SNTG1: variants seen among roughly 807,000 people sequenced by gnomAD.
SNTG1 encodes gamma-1-syntrophin.
Under a neutral mutation model 74.7 loss-of-function variants are expected in SNTG1, and 39 were observed. The observed-to-expected ratio is 0.52, with a 90% CI of 0.40 to 0.68. The LOEUF is 0.68. Ranked by LOEUF, SNTG1 falls within the 30% of genes least tolerant of loss-of-function variation. SNTG1 has a pLI of 0.00. For synonymous variants in SNTG1, 254 were observed against 217.1 expected, an observed-to-expected ratio of 1.17 and a Z score of -1.49; for missense variants, 685 against 609.5, an observed-to-expected ratio of 1.12 and a Z score of -1.30.
intron 13 of SNTG1, among the ~76,000 whole-genome samples, chr8:50,616,001 G>A (rs2094883192): frequency 1.3e-5 from 2 of 152,208 alleles, no homozygotes; most frequent in African/African-American, 4.8e-5. Flanking sequence ...CAGAATTCCT[G>A]TATTAAGGCT....
intron 11 of SNTG1, among the ~76,000 whole-genome samples, chr8:50,538,231 A>G (rs545001557): frequency 8.2e-4 from 125 of 152,216 alleles, no homozygotes; most frequent in African/African-American, 2.3e-3. Flanking sequence ...TTAACTTCCT[A>G]TATATACATC....
chr8:50,645,627 C>A (rs1012856530), intron 13 of SNTG1, among the ~76,000 whole-genome samples: 5 of 152,036 alleles, frequency 3.3e-5, no homozygotes, highest in African/African-American at 7.2e-5. Context: ...TTATTCCTGG[C>A]AAAATAAAAT....
chr8:50,439,927 CT>C (rs890189373), intron 5 of SNTG1, among the ~76,000 whole-genome samples: 3 of 151,132 alleles, frequency 2.0e-5, no homozygotes, highest in Non-Finnish European at 4.4e-5. Flanking sequence ...TGTTCTTTTC[CT>C]TTTTTTGTTG....
intron 15 of SNTG1, among the ~76,000 whole-genome samples, chr8:50,703,623 TA>T (rs1355527921): frequency 6.6e-6 from 1 of 152,116 alleles, no homozygotes; most frequent in Non-Finnish European, 1.5e-5. Flanking sequence ...AGTAAATACA[TA>T]AACCAGTAAC....
At chr8:50,122,396 C>A (rs1477415509) in intron 1 of SNTG1, among the ~76,000 whole-genome samples, 1 of 140,632 alleles carries the variant, frequency 7.1e-6, no homozygotes, top group East Asian at 2.0e-4. Context: ...TCAGGAGTTA[C>A]AGTAGATTTG....
chr8:50,419,000 A>T (rs779598059), intron 4 of SNTG1, among the ~76,000 whole-genome samples: 5 of 152,094 alleles, frequency 3.3e-5, no homozygotes, highest in Non-Finnish European at 7.4e-5. Context: ...AAAAACTATG[A>T]CTATTATCTT....
intron 4 of SNTG1, among the ~76,000 whole-genome samples, chr8:50,410,166 A>G (rs2092928817): frequency 6.6e-6 from 1 of 152,216 alleles, no homozygotes. Flanking sequence ...GAGGTTCATT[A>G]TCTGTGAAAA....
intron 2 of SNTG1, among the ~76,000 whole-genome samples, chr8:50,337,656 AGAAAAGCTGAGATGTATTTGTTAGG>A (rs1268207760): frequency 6.6e-6 from 1 of 152,196 alleles, no homozygotes; most frequent in Non-Finnish European, 1.5e-5. Context: ...GGGAGATGAA[AGAAAAGCTGAGATGTATTTGTTAGG>A]GTCGCAACCC....
chr8:49,955,891 C>T (rs1810113490), intron 1 of SNTG1, among the ~76,000 whole-genome samples: 1 of 152,144 alleles, frequency 6.6e-6, no homozygotes, highest in African/African-American at 2.4e-5. Context: ...TCTGAGAAGC[C>T]CTTGACATTG....
chr8:50,709,534 G>A (rs144990928), intron 17 of SNTG1, among the ~76,000 whole-genome samples: 2 of 151,990 alleles, frequency 1.3e-5, no homozygotes, highest in Non-Finnish European at 2.9e-5. Flanking sequence ...TACATCTCTG[G>A]GAGTGATGCA....
chr8:50,004,356 C>T (rs61279830), intron 1 of SNTG1, among the ~76,000 whole-genome samples: 3,331 of 152,168 alleles, frequency 0.022, 128 homozygotes, highest in African/African-American at 0.074. Flanking sequence ...TCACTTTAAG[C>T]TTTTATAACA....
chr8:50,607,615 T>C (rs1352777618), intron 13 of SNTG1, among the ~76,000 whole-genome samples: 1 of 151,724 alleles, frequency 6.6e-6, no homozygotes, highest in Non-Finnish European at 1.5e-5. Context: ...TCAGTCAACA[T>C]AAAGCCTTAT....
chr8:50,272,767 TTCTC>T (rs2087852920), intron 2 of SNTG1, among the ~76,000 whole-genome samples: 1 of 152,054 alleles, frequency 6.6e-6, no homozygotes, highest in South Asian at 2.1e-4. Flanking sequence ...GACAGAGTCT[TTCTC>T]TGTTGCCCAG....
At chr8:49,954,251 C>G (rs950938138) in intron 1 of SNTG1, among the ~76,000 whole-genome samples, 1 of 152,090 alleles carries the variant, frequency 6.6e-6, no homozygotes, top group Admixed American at 6.6e-5. Flanking sequence ...ATGTTATTGT[C>G]TTAAAGTGTA....
intron 12 of SNTG1, among the ~76,000 whole-genome samples, chr8:50,567,035 A>G (rs951619425): frequency 1.3e-5 from 2 of 152,088 alleles, no homozygotes; most frequent in Non-Finnish European, 2.9e-5. Flanking sequence ...TGTTTATTGT[A>G]TAAGAGTTTA....
chr8:50,695,837 A>G (rs1458967759), intron 15 of SNTG1, among the ~76,000 whole-genome samples: 2 of 151,440 alleles, frequency 1.3e-5, no homozygotes, highest in African/African-American at 4.8e-5. Context: ...ATTGAATTAT[A>G]TATACATATA....
chr8:50,780,947 T>C (rs535564261), intron 18 of SNTG1, among the ~76,000 whole-genome samples: 2 of 152,224 alleles, frequency 1.3e-5, no homozygotes, highest in Non-Finnish European at 2.9e-5. Context: ...ATTTCTGCCT[T>C]TATTTCATTA....
intron 13 of SNTG1, among the ~76,000 whole-genome samples, chr8:50,591,240 T>A (rs748935776): frequency 6.6e-6 from 1 of 152,142 alleles, no homozygotes; most frequent in Non-Finnish European, 1.5e-5. Context: ...CTGGGAGACC[T>A]ACTTTTAATT....
chr8:50,446,512 T>C (rs1033582953), intron 5 of SNTG1, among the ~76,000 whole-genome samples: 3 of 151,806 alleles, frequency 2.0e-5, no homozygotes, highest in Admixed American at 6.6e-5. Flanking sequence ...AAATCCCATC[T>C]CTACAAAAAT....
Sources: allele counts gnomAD v4.1 joint callset (sites outside exome capture counted in the v4.1 genomes callset), GRCh38; gene constraint gnomAD v4.1.1; transcripts MANE v1.5; gene names NCBI Gene and HGNC (gene_info 2026-07-23, HGNC 2026-07-21).